SSH1: variants seen among roughly 807,000 people sequenced by gnomAD.
The protein encoded by SSH1 is protein phosphatase Slingshot homolog 1.
SSH1 carries 43 observed loss-of-function variants against 79.7 expected under a neutral mutation model. That is an observed-to-expected ratio of 0.54 (90% CI 0.42 to 0.70). SSH1 has a LOEUF of 0.70. SSH1 is among the 30% of genes least tolerant of loss of function. SSH1 has a pLI of 0.00. For synonymous variants in SSH1, 599 were observed against 538.3 expected, an observed-to-expected ratio of 1.11 and a Z score of -1.56; for missense variants, 1,206 against 1,358.8, an observed-to-expected ratio of 0.89 and a Z score of 1.77.
chr12:108,792,591 C>G lies in SSH1; in HGVS notation c.1588G>C (p.Val530Leu), dbSNP rs1474433595. The change falls in exon 14 of 15, where the codon GTC (valine) becomes CTC (leucine). Residue 530 changes from valine to leucine, a missense_variant. Coordinates refer to ENST00000326495, the MANE Select transcript of SSH1 (RefSeq NM_018984.4). Reference sequence around the variant, plus strand: ...TCCCTCTCCGGATCCTCCAGGTGGACCAAGCTGCCAGTTTCATCCTCAGGG... The same window carrying G: ...TCCCTCTCCGGATCCTCCAGGTGGAGCAAGCTGCCAGTTTCATCCTCAGGG... ...PSPEDETGSL[V>L]HLEDPEREAL... 2 of 1,612,700 alleles carry G rather than the reference C, an allele frequency of 1.2e-6. No individual in the cohort carries two copies. The highest frequency in any genetic ancestry group is 4.5e-5 in the East Asian group (2 of 44,860).
intron 3 of SSH1, among the ~76,000 whole-genome samples, chr12:108,818,676 C>T (rs2037997028): frequency 6.6e-6 from 1 of 152,194 alleles, no homozygotes. Flanking sequence ...TGCCTAGAAA[C>T]GACAGCTGTG....
At chr12:108,843,355 C>T (rs1025227414) in intron 2 of SSH1, among the ~76,000 whole-genome samples, 1 of 152,146 alleles carries the variant, frequency 6.6e-6, no homozygotes, top group Admixed American at 6.5e-5. Flanking sequence ...TACAAGACCT[C>T]TAGGGCCTAT....
chr12:108,806,106 C>G (rs1478696024), intron 9 of SSH1, among the ~76,000 whole-genome samples, 195 bp downstream of exon 9: 1 of 152,140 alleles, frequency 6.6e-6, no homozygotes, highest in Non-Finnish European at 1.5e-5. Context: ...AGCGGCAGAT[C>G]TGGACTCAAA....
At chr12:108,805,470 T>C (rs796945486) in intron 9 of SSH1, among the ~76,000 whole-genome samples, 3 of 152,368 alleles carry the variant, frequency 2.0e-5, no homozygotes, top group African/African-American at 7.2e-5. Flanking sequence ...CTTTTACTTT[T>C]ATAATTAAAT....
Position 108,787,965 on chromosome 12 carries a change from A to T in SSH1, c.*23T>A, listed in dbSNP as rs764259893. 7 of 1,614,132 alleles carry T rather than the reference A, an allele frequency of 4.3e-6. No homozygotes were observed. Among genetic ancestry groups the T allele is most frequent in the Admixed American group, 1.7e-5 (1 of 60,026 alleles). ...AGGGATCATATGAAAATATCCGCCC[A>T]GCCTGACGCAGCAAAAGGCGGGTCA... On this transcript the variant is annotated 3_prime_UTR_variant, in exon 15 of 15. Transcript: ENST00000326495.
chr12:108,856,753 C>G (rs1314610184), intron 1 of SSH1, among the ~76,000 whole-genome samples: 1 of 152,202 alleles, frequency 6.6e-6, no homozygotes, highest in African/African-American at 2.4e-5. Flanking sequence ...AGGTCAGCAA[C>G]AGTCACATCT....
chr12:108,789,298 C>T, intron 14 of SSH1, 54 bp from the exon 15 acceptor site: 1 of 1,548,624 alleles, frequency 6.5e-7, no homozygotes, highest in Non-Finnish European at 8.7e-7. Flanking sequence ...GAGCCAAAGA[C>T]CAAAAACATG....
chr12:108,852,405 T>C (rs2039060580), intron 2 of SSH1, among the ~76,000 whole-genome samples: 1 of 151,824 alleles, frequency 6.6e-6, no homozygotes, highest in Admixed American at 6.6e-5. Context: ...ATTTTTTCTG[T>C]TTTTTTAGTA....
intron 2 of SSH1, among the ~76,000 whole-genome samples, chr12:108,846,290 T>G: frequency 1.3e-5 from 2 of 151,768 alleles, no homozygotes; most frequent in Non-Finnish European, 1.5e-5. Flanking sequence ...GACTTGGAAA[T>G]GCTGGATTAA....
At position 108,788,582 on chromosome 12, in the gene SSH1, C is replaced by A; in HGVS notation, c.2556G>T (p.Glu852Asp). ...CCTGGCTCTCCTCGGGGATGCTGGCCTCCAGCCTGCTGGCAGGGCCATCCC... is the reference window on the plus strand; with the variant it reads ...CCTGGCTCTCCTCGGGGATGCTGGCATCCAGCCTGCTGGCAGGGCCATCCC... ...PSRDGPASRL[E>D]ASIPEESQDP... The change falls in exon 15 of 15, where the codon GAG becomes GAT. Residue 852 changes from glutamate to aspartate, a missense_variant. By Grantham distance (45) the Glu-to-Asp change is conservative (BLOSUM62 2). This residue lies in a region of SSH1 where 709 missense variants were observed against 730.6 expected (regional missense o/e 0.97). Coordinates refer to ENST00000326495, the MANE Select transcript of SSH1 (RefSeq NM_018984.4). The A allele has an allele frequency of 1.2e-6, 2 of 1,603,174 alleles. No individual in the cohort carries two copies. Among genetic ancestry groups the A allele is most frequent in the Non-Finnish European group, 1.7e-6 (2 of 1,172,802 alleles).
intron 2 of SSH1, among the ~76,000 whole-genome samples, chr12:108,842,332 G>C (rs1429050574): frequency 6.6e-6 from 1 of 152,276 alleles, no homozygotes; most frequent in African/African-American, 2.4e-5. Flanking sequence ...AGGCCACAGG[G>C]GTTAGGGCAG....
intron 1 of SSH1, among the ~76,000 whole-genome samples, chr12:108,856,942 C>T (rs1010842026): frequency 9.2e-5 from 14 of 152,242 alleles, no homozygotes; most frequent in Non-Finnish European, 2.1e-4. Flanking sequence ...ACGCACAGTC[C>T]TCCCCAGACA....
Position 108,787,935 on chromosome 12 carries a change from G to C in SSH1, c.*53C>G, listed in dbSNP as rs976910131. The C allele has an allele frequency of 1.6e-5, 25 of 1,606,736 alleles. No homozygotes were observed. The South Asian group carries it at 2.8e-4, about 18-fold the overall frequency. On this transcript the variant is annotated 3_prime_UTR_variant, in exon 15 of 15. Transcript: ENST00000326495. Reference sequence around the variant, plus strand: ...GTCGATCCAAATCCACAGTGAAAGTGAGGGAGGGATCATATGAAAATATCC... The same window carrying C: ...GTCGATCCAAATCCACAGTGAAAGTCAGGGAGGGATCATATGAAAATATCC...
intron 2 of SSH1, chr12:108,827,316 G>A (rs1285856571): frequency 6.4e-7 from 1 of 1,551,176 alleles, no homozygotes; most frequent in South Asian, 1.2e-5. Context: ...GCTGAAGGAA[G>A]ATGCAGAAGT....
In SSH1 at chr12:108,782,832, ATAT is replaced by A. The variant is rs1201801091; in HGVS notation, c.*5153_*5155del. 1.3e-5 allele frequency: 2 copies of A among 152,218 alleles called. No individual in the cohort carries two copies. The highest frequency in any genetic ancestry group is 4.8e-5 in the African/African-American group (2 of 41,456). The allele number at this position is 152,218 out of a possible 1,614,324, so 9.4% of individuals were successfully genotyped here. A position where few individuals can be genotyped will look rare whatever the true frequency, so the allele number is the denominator to read the frequency against. On this transcript the variant is annotated 3_prime_UTR_variant, in exon 15 of 15. Transcript: ENST00000326495. Reference sequence around the variant, plus strand: ...AGTACAAAAGATACTGCCTTTAAATATATTATTTAAAAAAACAAGAAGAAAAAC... The same window carrying A: ...AGTACAAAAGATACTGCCTTTAAATATATTTAAAAAAACAAGAAGAAAAAC...
chr12:108,829,608 G>A (rs1460299459), intron 2 of SSH1, among the ~76,000 whole-genome samples: 2 of 152,174 alleles, frequency 1.3e-5, no homozygotes, highest in East Asian at 3.8e-4. Flanking sequence ...CTGCTGCATA[G>A]AAACAGCATT....
intron 5 of SSH1, among the ~76,000 whole-genome samples, chr12:108,815,834 C>A (rs116616590): frequency 6.6e-6 from 1 of 152,138 alleles, no homozygotes; most frequent in Non-Finnish European, 1.5e-5. Context: ...TTATGTACTG[C>A]GGGGGTGGGG....
chr12:108,836,631 T>C (rs987916353), intron 2 of SSH1, among the ~76,000 whole-genome samples: 8 of 152,162 alleles, frequency 5.3e-5, no homozygotes, highest in African/African-American at 9.7e-5. Flanking sequence ...GAAACGGACA[T>C]TGATGGCAGA....
intron 2 of SSH1, among the ~76,000 whole-genome samples, chr12:108,843,276 T>G (rs1456989597): frequency 6.6e-6 from 1 of 152,096 alleles, no homozygotes; most frequent in Non-Finnish European, 1.5e-5. Context: ...TGGGAAGAAT[T>G]TCTCTGTCCT....
Sources: allele counts gnomAD v4.1 joint callset (sites outside exome capture counted in the v4.1 genomes callset), GRCh38; gene constraint gnomAD v4.1.1; regional missense constraint gnomAD v4.1.1; transcripts MANE v1.5; gene names NCBI Gene and HGNC (gene_info 2026-07-23, HGNC 2026-07-21).